The following DLG2 variants were observed in gnomAD, a reference collection of about 807,000 sequenced individuals.
DLG2 encodes the protein discs large MAGUK scaffold protein 2, also known as disks large homolog 2.
DLG2 carries 45 observed loss-of-function variants against 132.5 expected under a neutral mutation model. The observed-to-expected ratio is 0.34, with a 90% CI of 0.27 to 0.44. The LOEUF (loss-of-function observed/expected upper bound fraction) is 0.44. Ranked by LOEUF, DLG2 falls within the 20% of genes least tolerant of loss-of-function variation. The probability of loss-of-function intolerance (pLI) is 1.00; values close to 1 mark genes in which losing one functional copy is unlikely to be tolerated. For missense variants in DLG2, 1,045 were observed against 1,196.9 expected (o/e 0.87, Z 1.87); for synonymous variants, 424 against 419.6 (o/e 1.01, Z -0.13).
intron 6 of DLG2, among the ~76,000 whole-genome samples, chr11:85,075,529 C>A (rs1190750093): frequency 6.6e-6 from 1 of 151,826 alleles, no homozygotes; most frequent in Non-Finnish European, 1.5e-5. Context: ...ATTTTACTGA[C>A]TGAAATAAGC....
chr11:83,515,858 G>A, intron 21 of DLG2, among the ~76,000 whole-genome samples: 1 of 152,310 alleles, frequency 6.6e-6, no homozygotes, highest in African/African-American at 2.4e-5. Flanking sequence ...TTAATCCTGA[G>A]TTCTAGTTTA....
At chr11:84,733,772 T>A (rs2063469345) in intron 6 of DLG2, among the ~76,000 whole-genome samples, 1 of 152,206 alleles carries the variant, frequency 6.6e-6, no homozygotes, top group Non-Finnish European at 1.5e-5. Context: ...TGGTTTTAGG[T>A]CTAACACTTA....
At chr11:84,567,605 A>G (rs2099462117) in intron 6 of DLG2, among the ~76,000 whole-genome samples, 1 of 152,206 alleles carries the variant, frequency 6.6e-6, no homozygotes, top group Admixed American at 6.5e-5. Context: ...AATTAGTTGT[A>G]TGCATATCTG....
At chr11:84,831,484 T>C (rs987856067) in intron 6 of DLG2, among the ~76,000 whole-genome samples, 2 of 151,666 alleles carry the variant, frequency 1.3e-5, no homozygotes, top group Admixed American at 6.6e-5. Flanking sequence ...CCAAATCTCA[T>C]TCAAGATCAC....
intron 6 of DLG2, among the ~76,000 whole-genome samples, chr11:84,947,087 A>G (rs769775552): frequency 8.5e-5 from 13 of 152,160 alleles, no homozygotes; most frequent in Non-Finnish European, 1.9e-4. Context: ...AGTCGCTGCC[A>G]TTGCCAGGGG....
intron 11 of DLG2, among the ~76,000 whole-genome samples, chr11:84,014,820 C>T (rs1433226870): frequency 6.6e-6 from 1 of 150,436 alleles, no homozygotes; most frequent in African/African-American, 2.5e-5. Context: ...TGCCTACATC[C>T]TAATCCTGAT....
intron 3 of DLG2, among the ~76,000 whole-genome samples, chr11:85,332,550 T>A (rs561682529): frequency 6.6e-6 from 1 of 152,284 alleles, no homozygotes; most frequent in South Asian, 2.1e-4. Flanking sequence ...GCCAGAATGA[T>A]ACGTTTTAGA....
intron 6 of DLG2, among the ~76,000 whole-genome samples, chr11:84,973,792 A>G (rs2054462116): frequency 6.6e-6 from 1 of 152,200 alleles, no homozygotes; most frequent in Non-Finnish European, 1.5e-5. Flanking sequence ...GGCCATACAT[A>G]ATAGGTAAAT....
intron 17 of DLG2, 125 bp from the exon 18 acceptor site, chr11:83,786,917 C>T (rs1005648615): frequency 1.5e-6 from 1 of 676,188 alleles, no homozygotes; most frequent in Admixed American, 2.6e-5. Context: ...CCCTCATATC[C>T]TACTCAGGTG....
At chr11:83,957,107 T>G (rs190418543) in intron 14 of DLG2, among the ~76,000 whole-genome samples, 282 of 152,372 alleles carry the variant, frequency 1.9e-3, no homozygotes, top group African/African-American at 6.5e-3. Context: ...AGATTTTATG[T>G]GTTTTTATGC....
At chr11:84,916,327 C>CGACAGA (rs2092458762) in intron 6 of DLG2, among the ~76,000 whole-genome samples, 1 of 106,042 alleles carries the variant, frequency 9.4e-6, no homozygotes, top group Admixed American at 1.6e-4. Context: ...CCAGCCTGGG[C>CGACAGA]GACAGAGCGA....
At chr11:85,596,563 C>T (rs1436659505) in intron 3 of DLG2, among the ~76,000 whole-genome samples, 2 of 151,764 alleles carry the variant, frequency 1.3e-5, no homozygotes, top group South Asian at 2.1e-4. Context: ...GAGAGTCGTG[C>T]GAGGTACTAT....
intron 11 of DLG2, among the ~76,000 whole-genome samples, chr11:83,999,696 C>T (rs189890615): frequency 7.9e-5 from 12 of 152,280 alleles, no homozygotes; most frequent in Admixed American, 2.0e-4. Flanking sequence ...AGAACTTCAT[C>T]GTATCCTCCA....
At chr11:83,841,031 G>T (rs926630702) in intron 16 of DLG2, among the ~76,000 whole-genome samples, 9 of 152,070 alleles carry the variant, frequency 5.9e-5, no homozygotes, top group Admixed American at 2.6e-4. Context: ...GAGCCTAGCT[G>T]CTTTTGCATG....
At chr11:84,642,447 A>T (rs566637467) in intron 6 of DLG2, among the ~76,000 whole-genome samples, 6 of 152,136 alleles carry the variant, frequency 3.9e-5, no homozygotes, top group Admixed American at 3.9e-4. Context: ...ACGGAAAGAG[A>T]TACACTTTAA....
chr11:85,149,948 G>A (rs2077116330), intron 5 of DLG2, among the ~76,000 whole-genome samples: 1 of 148,526 alleles, frequency 6.7e-6, no homozygotes, highest in African/African-American at 2.5e-5. Context: ...CTTTAATGCT[G>A]ATTCTGTAAT....
intron 25 of DLG2, among the ~76,000 whole-genome samples, chr11:83,468,949 G>C (rs2091606314): frequency 6.6e-6 from 1 of 152,084 alleles, no homozygotes; most frequent in South Asian, 2.1e-4. Flanking sequence ...GTTGTGTATT[G>C]GGGCCTCAGA....
At chr11:84,174,558 G>C (rs147754120) in intron 8 of DLG2, among the ~76,000 whole-genome samples, 2 of 152,036 alleles carry the variant, frequency 1.3e-5, no homozygotes, top group Non-Finnish European at 2.9e-5. Flanking sequence ...TGCAATTTAT[G>C]TTTATTAAAA....
chr11:83,561,883 CTTTTTTTTTTTTTTT>C (rs66514406), intron 19 of DLG2, among the ~76,000 whole-genome samples: 2 of 87,946 alleles, frequency 2.3e-5, no homozygotes, highest in Middle Eastern at 7.9e-3. Flanking sequence ...GTATTTCTTT[CTTTTTTTTTTTTTTT>C]TTTTTTTTTG....
Sources: allele counts gnomAD v4.1 joint callset (sites outside exome capture counted in the v4.1 genomes callset), GRCh38; gene constraint gnomAD v4.1.1; transcripts MANE v1.5; gene names NCBI Gene and HGNC (gene_info 2026-07-23, HGNC 2026-07-21).